The following PIK3R5 variants were observed in gnomAD, a reference collection of about 807,000 sequenced individuals.
The protein encoded by PIK3R5 is phosphoinositide-3-kinase regulatory subunit 5.
In PIK3R5, 32 loss-of-function variants were observed where a neutral mutation model predicts 94.9. The ratio of observed to expected loss-of-function variants is 0.34; its 90% CI spans 0.25 to 0.45. The LOEUF (loss-of-function observed/expected upper bound fraction) is 0.45. PIK3R5 is among the 20% of genes least tolerant of loss of function. PIK3R5 has a pLI of 1.00. For synonymous variants in PIK3R5, 443 were observed against 479.4 expected (o/e 0.92, Z 0.99); for missense variants, 853 against 1,144.6 (o/e 0.75, Z 3.68).
chr17:8,885,952 A>G lies in PIK3R5; in HGVS notation c.2128+277T>C, dbSNP rs537347935. 3.7e-4 allele frequency among the ~76,000 whole-genome samples: 43 copies of G among 116,208 alleles called. 1 individual carries two copies. The highest frequency in any genetic ancestry group is 5.4e-4 in the African/African-American group (16 of 29,368). The allele number at this position is 116,208 out of a possible 152,430, so 76.2% of individuals were successfully genotyped here. The stretch of plus-strand genomic sequence containing the variant: ...CCGCCTCCCCATGGCCCTGCCTCCT[A>G]GGTAACCCCGCCCTCTCATGGCCCT... On this transcript the variant is annotated intron_variant, in intron 14 of 18. Transcript: ENST00000447110.
intron 1 of PIK3R5, among the ~76,000 whole-genome samples, chr17:8,919,530 A>G (rs376372922): frequency 3.9e-4 from 60 of 152,336 alleles, no homozygotes; most frequent in African/African-American, 1.4e-3. Flanking sequence ...TGTCTTTGAG[A>G]ATGTTCAAGT....
At chr17:8,929,037 T>C (rs866614599) in intron 1 of PIK3R5, among the ~76,000 whole-genome samples, 1 of 152,120 alleles carries the variant, frequency 6.6e-6, no homozygotes, top group Non-Finnish European at 1.5e-5. Flanking sequence ...ATGATAACAG[T>C]GGACTGTGAT....
At chr17:8,951,859 T>A (rs1567672203) in intron 1 of PIK3R5, among the ~76,000 whole-genome samples, 1 of 152,244 alleles carries the variant, frequency 6.6e-6, no homozygotes, top group Non-Finnish European at 1.5e-5. Flanking sequence ...GATATAACTT[T>A]TAGGAATTTT....
rs765430394 is a variant in PIK3R5, at chr17:8,888,857, C to A, written c.930G>T (p.Glu310Asp). Residue 310 changes from glutamate to aspartate, a missense_variant, in exon 10 of 19, where the codon GAG (glutamate) becomes GAT (aspartate). Glu to Asp is a conservative substitution (Grantham distance 45, BLOSUM62 2). This residue lies in a region of PIK3R5 where 161 missense variants were observed against 249.5 expected (regional missense o/e 0.65). Coordinates refer to ENST00000447110, the MANE Select transcript of PIK3R5 (RefSeq NM_001142633.3). This position sits in a 1 kb window ranked among gnomAD's most constrained non-coding sequence, Gnocchi z 7.8. ...ILQEILLKEQ[E>D]LLQPGILGDD... is the part of the protein sequence containing the mutation. ...CTCCCAGGATCCCTGGCTGGAGTAG[C>A]TCCTGTTCCTTGAGCAGGATTTCCT... The A allele has an allele frequency of 2.5e-6, 4 of 1,604,202 alleles. No individual in the cohort carries two copies. The South Asian group carries it at 4.4e-5, about 18-fold the overall frequency.
chr17:8,886,126 CT>C, intron 14 of PIK3R5, 102 bp downstream of exon 14: 1 of 873,802 alleles, frequency 1.1e-6, no homozygotes, highest in Non-Finnish European at 1.8e-6. Context: ...GCAACCCCAC[CT>C]TCCCATGGCC....
intron 1 of PIK3R5, among the ~76,000 whole-genome samples, chr17:8,937,785 G>A (rs930397030): frequency 6.6e-6 from 1 of 152,132 alleles, no homozygotes; most frequent in Non-Finnish European, 1.5e-5. Flanking sequence ...TCTATTTTCT[G>A]GAATGGACTG....
chr17:8,957,891 A>G lies in PIK3R5; in HGVS notation c.-14+7705T>C, dbSNP rs1178375105. ...CAAGGAGCAGCTCATTCCCCGCTCTATAAGCTGTCACAGGGCGTGGGAGAA... is the reference window on the plus strand; with the variant it reads ...CAAGGAGCAGCTCATTCCCCGCTCTGTAAGCTGTCACAGGGCGTGGGAGAA... On this transcript the variant is annotated intron_variant, in intron 1 of 18. Coordinates refer to ENST00000447110, the MANE Select transcript of PIK3R5 (RefSeq NM_001142633.3). 2.0e-5 allele frequency among the ~76,000 whole-genome samples: 3 copies of G among 152,326 alleles called. No homozygotes were observed. The East Asian group carries it at 5.8e-4, about 29-fold the overall frequency.
rs149885535 is a variant in PIK3R5 at position 8,890,908 on chromosome 17, C to T, written c.487G>A (p.Val163Met). 6 of 1,613,320 alleles carry T rather than the reference C, an allele frequency of 3.7e-6. No homozygotes were observed. The highest frequency in any genetic ancestry group is 5.1e-6 in the Non-Finnish European group (6 of 1,179,864). ...ACTTCCACTGGGTTCAGCAGCAGCA[C>T]GGTGCTGGGGACACAGGGGACCGGC... ...IRSHRSSTVT[V>M]LLLNPVEVQA... The change falls in exon 7 of 19, where the codon GTG (valine) becomes ATG (methionine). Residue 163 changes from valine (V) to methionine (M), a missense_variant. Coordinates refer to ENST00000447110, the MANE Select transcript of PIK3R5 (RefSeq NM_001142633.3). The surrounding 1 kb of genome is among the most constrained non-coding windows in gnomAD (Gnocchi z 6.1).
In PIK3R5 at chr17:8,890,759, C is replaced by A; in HGVS notation, c.636G>T (p.Pro212=). ...QATFGAHCDV[P]GLHCRLQAKT... ...ATACCTGTAGCCTGCAGTGCAGGCCCGGGACGTCACAGTGGGCCCCAAAGG... is the reference window on the plus strand; with the variant it reads ...ATACCTGTAGCCTGCAGTGCAGGCCAGGGACGTCACAGTGGGCCCCAAAGG... The change falls in exon 7 of 19, where the codon CCG becomes CCT. Residue 212 remains proline (P), a synonymous_variant. Coordinates refer to ENST00000447110, the MANE Select transcript of PIK3R5 (RefSeq NM_001142633.3). This position sits in a 1 kb window ranked among gnomAD's most constrained non-coding sequence, Gnocchi z 6.1. The A allele has an allele frequency of 6.2e-7, 1 of 1,610,444 alleles. No homozygotes were observed. Among genetic ancestry groups the A allele is most frequent in the East Asian group, 2.2e-5 (1 of 44,788 alleles).
At position 8,925,464 on chromosome 17, in the gene PIK3R5, G is replaced by A. The variant is rs546955370; in HGVS notation, c.-13-13957C>T. Among the ~76,000 whole-genome samples, 9,201 of 148,600 alleles carry A rather than the reference G, an allele frequency of 0.062. 404 individuals are homozygous for A. Among genetic ancestry groups the A allele is most frequent in the Non-Finnish European group, 0.087 (5,810 of 66,978 alleles). On this transcript the variant is annotated intron_variant, in intron 1 of 18. Transcript: ENST00000447110. The surrounding 1 kb of genome is among the most constrained non-coding windows in gnomAD (Gnocchi z 5.1). ...GATAGTAGATGGATAGATAGTAGATGGATGATAGATAGATAGTAGATGGAT... is the reference window on the plus strand; with the variant it reads ...GATAGTAGATGGATAGATAGTAGATAGATGATAGATAGATAGTAGATGGAT...
chr17:8,887,780 G>A (rs1204302041), intron 10 of PIK3R5, 97 bp from the exon 11 acceptor site: 2 of 1,171,414 alleles, frequency 1.7e-6, no homozygotes, highest in Admixed American at 2.2e-5. Flanking sequence ...ATCACCCGAG[G>A]CCAGGAGTTC....
chr17:8,891,027 C>CTCTG, intron 6 of PIK3R5, 115 bp from the exon 7 acceptor site: 1 of 1,009,692 alleles, frequency 9.9e-7, no homozygotes, highest in Non-Finnish European at 1.4e-6. Context: ...CCTCCTCAAG[C>CTCTG]CCAGGCAGAG....
chr17:8,923,147 T>A (rs1340875052), intron 1 of PIK3R5, among the ~76,000 whole-genome samples: 1 of 152,128 alleles, frequency 6.6e-6, no homozygotes, highest in Non-Finnish European at 1.5e-5. Flanking sequence ...TTTGAGCCAC[T>A]CTAGGACACT....
chr17:8,886,209 T>C lies in PIK3R5; in HGVS notation c.2128+20A>G, dbSNP rs1354151830. On this transcript the variant is annotated intron_variant, in intron 14 of 18. Transcript: ENST00000447110. ...CCCAGGCCCCGCCTCACCGTCTGTCTCTGCTCAGGCAGTACCCACCTGACG... is the reference window on the plus strand; with the variant it reads ...CCCAGGCCCCGCCTCACCGTCTGTCCCTGCTCAGGCAGTACCCACCTGACG... 1.3e-6 allele frequency: 2 copies of C among 1,591,030 alleles called. No homozygotes were observed. The highest frequency in any genetic ancestry group is 2.7e-5 in the African/African-American group (2 of 74,584).
chr17:8,943,922 C>T (rs1277327665), intron 1 of PIK3R5, among the ~76,000 whole-genome samples: 1 of 149,476 alleles, frequency 6.7e-6, no homozygotes, highest in Admixed American at 6.6e-5. Flanking sequence ...TGCGGGGGTA[C>T]ATGTGCAGTT....
rs1056709108 is a variant in PIK3R5, at chr17:8,896,986, C to T, written c.413-3331G>A. Among the ~76,000 whole-genome samples, 1 of 152,196 alleles carries T rather than the reference C, an allele frequency of 6.6e-6. No individual in the cohort carries two copies. Among genetic ancestry groups the T allele is most frequent in the African/African-American group, 2.4e-5 (1 of 41,450 alleles). ...TATCAACTCATGGTGGACAGTTTGA[C>T]CTACCTCATACCCTGAAGCAAACAC... On this transcript the variant is annotated intron_variant, in intron 5 of 18. Transcript: ENST00000447110. The surrounding 1 kb of genome is among the most constrained non-coding windows in gnomAD (Gnocchi z 4.0).
rs1039392841 is a variant in PIK3R5 at position 8,909,896 on chromosome 17, C to A, written c.104-722G>T. On this transcript the variant is annotated intron_variant, in intron 2 of 18. Coordinates refer to ENST00000447110, the MANE Select transcript of PIK3R5 (RefSeq NM_001142633.3). The surrounding 1 kb of genome is among the most constrained non-coding windows in gnomAD (Gnocchi z 4.3). ...TTGCTGGAAGAATACAGAGAGGAGC[C>A]ACGGTGAGTTCCATCCCAAGACGCA... 2.0e-5 allele frequency among the ~76,000 whole-genome samples: 3 copies of A among 152,172 alleles called. No homozygotes were observed. Among genetic ancestry groups the A allele is most frequent in the Admixed American group, 2.0e-4 (3 of 15,282 alleles).
chr17:8,962,154 C>T lies in PIK3R5; in HGVS notation c.-14+3442G>A, dbSNP rs531415527. On this transcript the variant is annotated intron_variant, in intron 1 of 18. Transcript: ENST00000447110. ...CACCTAAATGTGTGGCCTTGGCCCT[C>T]GGTTTTCTCATATGTGAAATGGGGG... is the stretch of plus-strand genomic sequence containing the variant. 8.0e-4 allele frequency among the ~76,000 whole-genome samples: 122 copies of T among 152,272 alleles called. 1 individual carries two copies. The highest frequency in any genetic ancestry group is 2.6e-3 in the African/African-American group (110 of 41,558).
At chr17:8,946,872 C>G (rs999746767) in intron 1 of PIK3R5, among the ~76,000 whole-genome samples, 2 of 152,082 alleles carry the variant, frequency 1.3e-5, no homozygotes, top group Admixed American at 6.5e-5. Context: ...CTGACAAGCC[C>G]CATCTCGGCT....
Sources: gnomAD v4.1 joint callset for allele counts (sites outside exome capture counted in the v4.1 genomes callset) on GRCh38, gnomAD v4.1.1 for gene constraint, gnomAD v4.1.1 regional missense constraint, Gnocchi (gnomAD v3.1) non-coding constraint, MANE v1.5 for transcripts, NCBI Gene and HGNC (gene_info 2026-07-23, HGNC 2026-07-21) for gene names.